Variants in PSMD12 observed in about 807,000 individuals in gnomAD.
The protein encoded by PSMD12 is 26S proteasome non-ATPase regulatory subunit 12.
A neutral mutation model predicts 62.9 loss-of-function variants in PSMD12; 8 were observed. The ratio of observed to expected loss-of-function variants is 0.13; its 90% CI spans 0.07 to 0.23. The LOEUF is 0.23. Among genes scored for constraint, PSMD12 ranks in the 10% least tolerant of loss-of-function variants. The pLI is 1.00. For missense variants in PSMD12, 424 were observed against 550.2 expected (o/e 0.77, Z 2.29); for synonymous variants, 173 against 187.4 (o/e 0.92, Z 0.63).
Position 67,347,316 on chromosome 17 carries a change from G to C in PSMD12, c.660+20C>G, listed in dbSNP as rs528632969. ...TTATTCATACTTTTAAAGTAAACATGTGGTCACAGATATGCTCACCTCTGT... is the reference window on the plus strand; with the variant it reads ...TTATTCATACTTTTAAAGTAAACATCTGGTCACAGATATGCTCACCTCTGT... On this transcript the variant is annotated intron_variant, in intron 6 of 10. Coordinates refer to ENST00000356126, the MANE Select transcript of PSMD12 (RefSeq NM_002816.5). 4 of 1,612,064 alleles carry C rather than the reference G, an allele frequency of 2.5e-6. No homozygotes were observed. In the Admixed American group the frequency reaches 6.7e-5, roughly 27 times the overall value.
At position 67,348,509 on chromosome 17, in the gene PSMD12, A is replaced by G. The variant is rs374294673; in HGVS notation, c.510+41T>C. The G allele has an allele frequency of 2.2e-3, 3,337 of 1,517,340 alleles. 53 individuals are homozygous for G. In the South Asian group the frequency reaches 0.029, roughly 13 times the overall value. 94.0% of individuals were successfully genotyped at this position (1,517,340 alleles called of 1,614,324 possible). A position where few individuals can be genotyped will look rare whatever the true frequency, so the allele number is the denominator to read the frequency against. On this transcript the variant is annotated intron_variant, in intron 5 of 10. Transcript: ENST00000356126. ...ATATTTCCATTAGAAAATGCTGCTG[A>G]CAAAACAAAGTTTTACCAACTCTAA...
In PSMD12 at chr17:67,366,416, G is replaced by C. The variant is rs776590108; in HGVS notation, c.104C>G (p.Ala35Gly). 6.2e-7 allele frequency: 1 copy of C among 1,610,614 alleles called. No individual in the cohort carries two copies. Among genetic ancestry groups the C allele is most frequent in the East Asian group, 2.2e-5 (1 of 44,790 alleles). Residue 35 changes from alanine (A) to glycine (G), a missense_variant, in exon 1 of 11, where the codon GCC (alanine) becomes GGC (glycine). Ala to Gly is a moderately conservative substitution (Grantham distance 60, BLOSUM62 0). Transcript: ENST00000356126. Reference protein sequence around the residue: ...DQRLPECAKLAKEGRLQEVIE... With the variant: ...DQRLPECAKLGKEGRLQEVIE... ...AGCCAGCCGGCCTCTCCTCACCTTG[G>C]CTAGCTTCGCACACTCGGGTAGGCG...
chr17:67,354,538 T>C (rs565646920), intron 3 of PSMD12, among the ~76,000 whole-genome samples: 1 of 152,352 alleles, frequency 6.6e-6, no homozygotes, highest in East Asian at 1.9e-4. Context: ...ACATAAATTT[T>C]TGTTGATTTC....
Position 67,344,678 on chromosome 17 carries a change from T to C in PSMD12, c.1011A>G (p.Ala337=), listed in dbSNP as rs367795222. ...CCTCTGTAGAACCAAAAACATCCGT[T>C]GCAGGACTCTCAAGGGAACCTTTTC... The part of the protein sequence containing the change: ...ELRKGSLESP[A]TDVFGSTEEG... Residue 337 remains alanine, a synonymous_variant, in exon 9 of 11, where the codon GCA becomes GCG. Transcript: ENST00000356126. 5 of 1,613,702 alleles carry C rather than the reference T, an allele frequency of 3.1e-6. No individual in the cohort carries two copies. In the African/African-American group the frequency reaches 6.7e-5, roughly 22 times the overall value.
At chr17:67,352,643 T>C (rs1346294794) in intron 3 of PSMD12, among the ~76,000 whole-genome samples, 2 of 152,230 alleles carry the variant, frequency 1.3e-5, no homozygotes, top group African/African-American at 4.8e-5. Flanking sequence ...TGCTTTCCAG[T>C]TTCAGTTAGC....
At chr17:67,347,285 T>G (rs898942778) in intron 6 of PSMD12, 35 bp from the exon 7 acceptor site, 3 of 1,612,384 alleles carry the variant, frequency 1.9e-6, no homozygotes, top group Non-Finnish European at 2.5e-6. Context: ...TTGGGGTTTA[T>G]GGGTTTTATT....
rs1266558259 is a variant in PSMD12 at position 67,339,723 on chromosome 17, A to G, written c.*1120T>C. ...TCTTTATTTAAGTATCATTTTAAAT[A>G]ACCTTCTAACATTGTTTTTTCTATT... On this transcript the variant is annotated 3_prime_UTR_variant, in exon 11 of 11. Transcript: ENST00000356126. The G allele has an allele frequency of 6.6e-6, 1 of 152,194 alleles. No homozygotes were observed. 9.4% of individuals were successfully genotyped at this position (152,194 alleles called of 1,614,324 possible). A position where few individuals can be genotyped will look rare whatever the true frequency, so the allele number is the denominator to read the frequency against.
At chr17:67,365,030 G>C (rs554044885) in intron 1 of PSMD12, among the ~76,000 whole-genome samples, 1 of 151,896 alleles carries the variant, frequency 6.6e-6, no homozygotes, top group Admixed American at 6.6e-5. Context: ...TCTACTAAAA[G>C]TACAAAAATT....
At chr17:67,348,487 T>C in intron 5 of PSMD12, 63 bp downstream of exon 5, 1 of 1,348,758 alleles carries the variant, frequency 7.4e-7, no homozygotes. Flanking sequence ...TCAACCTATA[T>C]TTCCATTAGA....
At chr17:67,344,468 T>A (rs1042479764) in intron 9 of PSMD12, 138 bp downstream of exon 9, 2 of 819,918 alleles carry the variant, frequency 2.4e-6, no homozygotes, top group Admixed American at 3.0e-5. Context: ...ATTAAACACA[T>A]AACATCCTAA....
In PSMD12 at chr17:67,344,658, G is replaced by T. The variant is rs753619281; in HGVS notation, c.1031C>A (p.Thr344Lys). The change falls in exon 9 of 11, where the codon ACA (threonine) becomes AAA (lysine). Residue 344 changes from threonine to lysine, a missense_variant. By Grantham distance (78) the Thr-to-Lys change is moderately conservative. Coordinates refer to ENST00000356126, the MANE Select transcript of PSMD12 (RefSeq NM_002816.5). ...TTTCCACCTTTTTTCACCTTCCTCTGTAGAACCAAAAACATCCGTTGCAGG... is the reference window on the plus strand; with the variant it reads ...TTTCCACCTTTTTTCACCTTCCTCTTTAGAACCAAAAACATCCGTTGCAGG... ...ESPATDVFGS[T>K]EEGEKRWKDL... 1 of 1,613,298 alleles carries T rather than the reference G, an allele frequency of 6.2e-7. No individual in the cohort carries two copies. Among genetic ancestry groups the T allele is most frequent in the South Asian group, 1.1e-5 (1 of 91,002 alleles).
intron 4 of PSMD12, among the ~76,000 whole-genome samples, 179 bp from the exon 5 acceptor site, chr17:67,348,833 T>G (rs1390071092): frequency 1.3e-5 from 2 of 152,008 alleles, no homozygotes; most frequent in Non-Finnish European, 2.9e-5. Context: ...CCGTCTCTAC[T>G]AAAAATCAAA....
At chr17:67,366,126 C>T (rs1462848625) in intron 1 of PSMD12, among the ~76,000 whole-genome samples, 3 of 152,240 alleles carry the variant, frequency 2.0e-5, no homozygotes, top group Non-Finnish European at 4.4e-5. Flanking sequence ...AGGTAAATAT[C>T]ACTTAAACAG....
At chr17:67,343,862 C>A (rs1005724573) in intron 9 of PSMD12, among the ~76,000 whole-genome samples, 17 of 152,204 alleles carry the variant, frequency 1.1e-4, no homozygotes, top group African/African-American at 4.1e-4. Context: ...CGCCACCACG[C>A]CCGGCTAATT....
intron 7 of PSMD12, among the ~76,000 whole-genome samples, 186 bp downstream of exon 7, chr17:67,346,930 A>T (rs1364538347): frequency 6.6e-6 from 1 of 152,214 alleles, no homozygotes; most frequent in East Asian, 1.9e-4. Flanking sequence ...CATTTCTCCA[A>T]AAGTGAGACA....
chr17:67,338,870 TAA>T lies in PSMD12; in HGVS notation c.*1971_*1972del, dbSNP rs1598548046. The T allele has an allele frequency of 6.6e-6, 1 of 151,534 alleles. No individual in the cohort carries two copies. The highest frequency in any genetic ancestry group is 1.5e-5 in the Non-Finnish European group (1 of 67,930). 9.4% of individuals were successfully genotyped at this position (151,534 alleles called of 1,614,324 possible). A position where few individuals can be genotyped will look rare whatever the true frequency, so the allele number is the denominator to read the frequency against. ...TCCGTCTCAAAAAATATGAAAAAAA[TAA>T]AGAGGAGGAACACTTGCAATCTCTA... On this transcript the variant is annotated 3_prime_UTR_variant, in exon 11 of 11. Coordinates refer to ENST00000356126, the MANE Select transcript of PSMD12 (RefSeq NM_002816.5).
At chr17:67,345,238 A>G (rs910880824) in intron 8 of PSMD12, among the ~76,000 whole-genome samples, 2 of 152,260 alleles carry the variant, frequency 1.3e-5, no homozygotes, top group African/African-American at 4.8e-5. Flanking sequence ...AATTTAGAAG[A>G]AAGTATGTTA....
chr17:67,353,669 G>A (rs1257920031), intron 3 of PSMD12, among the ~76,000 whole-genome samples: 2 of 152,076 alleles, frequency 1.3e-5, no homozygotes, highest in Non-Finnish European at 2.9e-5. Context: ...AATTTCGTAG[G>A]TAAAAAATAA....
intron 4 of PSMD12, 114 bp downstream of exon 4, chr17:67,350,115 T>G (rs2042003491): frequency 3.2e-6 from 2 of 620,454 alleles, no homozygotes; most frequent in Non-Finnish European, 5.2e-6. Context: ...ACATTTTGTG[T>G]ATTTCTTTAA....
Sources: allele counts gnomAD v4.1 joint callset (sites outside exome capture counted in the v4.1 genomes callset), GRCh38; gene constraint gnomAD v4.1.1; transcripts MANE v1.5; gene names NCBI Gene and HGNC (gene_info 2026-07-23, HGNC 2026-07-21).